The following GMFG variants were observed in gnomAD, a reference collection of about 807,000 sequenced individuals.
GMFG encodes glia maturation factor gamma.
GMFG carries 21 observed loss-of-function variants against 26.1 expected under a neutral mutation model. That is an observed-to-expected ratio of 0.80 (90% confidence interval 0.57 to 1.16). The LOEUF (loss-of-function observed/expected upper bound fraction) is 1.16. Among genes scored for constraint, GMFG ranks in the 50% most tolerant of loss-of-function variants. The pLI is 0.00. For missense variants in GMFG, 161 were observed against 178.3 expected (o/e 0.90, Z 0.55); for synonymous variants, 65 against 60.8 (o/e 1.07, Z -0.32).
At chr19:39,328,597 A>C (rs1451169571) in intron 6 of GMFG, 49 bp from the exon 7 acceptor site, 1 of 1,398,188 alleles carries the variant, frequency 7.2e-7, no homozygotes, top group African/African-American at 1.4e-5. Flanking sequence ...ACACTGAGAC[A>C]GTGGCTGGGC....
chr19:39,332,656 C>CTTTTTTT (rs59277772), intron 4 of GMFG, among the ~76,000 whole-genome samples: 3 of 111,296 alleles, frequency 2.7e-5, no homozygotes, highest in African/African-American at 3.5e-5. Context: ...CACAGAGATT[C>CTTTTTTT]TTTTTTTTTT....
Position 39,335,988 on chromosome 19 carries a change from C to T in GMFG, c.-12G>A. 6.2e-7 allele frequency: 1 copy of T among 1,601,160 alleles called. No homozygotes were observed. The highest frequency in any genetic ancestry group is 8.6e-7 in the Non-Finnish European group (1 of 1,168,370). Reference sequence around the variant, plus strand: ...TGGCCCCTGACCATGATTGTTCTGTCCACAGGCCTCTTCTTTTCTTAGTTC... The same window carrying T: ...TGGCCCCTGACCATGATTGTTCTGTTCACAGGCCTCTTCTTTTCTTAGTTC... On this transcript the variant is annotated 5_prime_UTR_variant, in exon 1 of 7. Transcript: ENST00000597595.
chr19:39,328,700 G>GT, intron 6 of GMFG, 152 bp from the exon 7 acceptor site: 1 of 640,976 alleles, frequency 1.6e-6, no homozygotes, highest in Non-Finnish European at 2.8e-6. Context: ...CCAATATGGT[G>GT]AAACCCTGAC....
At chr19:39,331,970 C>G (rs2075228060) in intron 4 of GMFG, among the ~76,000 whole-genome samples, 1 of 151,814 alleles carries the variant, frequency 6.6e-6, no homozygotes, top group Admixed American at 6.6e-5. Flanking sequence ...TCAACTGACC[C>G]CCGACATCAG....
intron 6 of GMFG, 72 bp downstream of exon 6, chr19:39,328,928 G>T: frequency 9.5e-7 from 1 of 1,056,282 alleles, no homozygotes; most frequent in Non-Finnish European, 1.5e-6. Flanking sequence ...GAGGACTCTA[G>T]TCCCTCTTCC....
At chr19:39,328,700 GA>G in intron 6 of GMFG, 152 bp from the exon 7 acceptor site, 2 of 640,976 alleles carry the variant, frequency 3.1e-6, no homozygotes, top group Non-Finnish European at 5.6e-6. Context: ...CCAATATGGT[GA>G]AACCCTGACT....
rs1393421625 is a variant in GMFG at position 39,328,504 on chromosome 19, G to A, written c.402C>T (p.Leu134=). The A allele has an allele frequency of 1.2e-6, 2 of 1,613,200 alleles. No individual in the cohort carries two copies. Among genetic ancestry groups the A allele is most frequent in the East Asian group, 4.5e-5 (2 of 44,896 alleles). Residue 134 remains leucine (L), a synonymous_variant, in exon 7 of 7, where the codon CTC becomes CTT. Transcript: ENST00000597595. ...AACGAAAGAAAGACAACTTTTCTTG[G>A]AGCCAGGCCTCAGTGAGGTCATCAG... The part of the protein sequence containing the change: ...RTTDDLTEAW[L]QEKLSFFR
chr19:39,333,662 A>T (rs1275098814), intron 3 of GMFG, among the ~76,000 whole-genome samples: 1 of 151,922 alleles, frequency 6.6e-6, no homozygotes, highest in Admixed American at 6.6e-5. Flanking sequence ...TGAAACACAC[A>T]TGGATTAATT....
intron 4 of GMFG, among the ~76,000 whole-genome samples, chr19:39,332,370 G>A (rs1373222317): frequency 2.0e-5 from 3 of 151,012 alleles, no homozygotes; most frequent in Non-Finnish European, 4.4e-5. Context: ...GTCTTGCTAT[G>A]TTGCCCAGGC....
At chr19:39,330,203 A>C (rs1370727620) in intron 4 of GMFG, among the ~76,000 whole-genome samples, 6 of 152,192 alleles carry the variant, frequency 3.9e-5, no homozygotes, top group African/African-American at 1.4e-4. Flanking sequence ...AAGGTTCTAC[A>C]GATAGGGGAG....
chr19:39,334,969 C>G (rs1039052758), intron 3 of GMFG, among the ~76,000 whole-genome samples: 1 of 152,146 alleles, frequency 6.6e-6, no homozygotes, highest in Admixed American at 6.6e-5. Context: ...CCTGCCTCGG[C>G]CTCCCAAGTA....
chr19:39,332,068 C>T (rs894248684), intron 4 of GMFG, among the ~76,000 whole-genome samples: 11 of 151,524 alleles, frequency 7.3e-5, no homozygotes, highest in African/African-American at 2.4e-4. Flanking sequence ...CTCCACCAGG[C>T]GCGGTGGCTC....
At chr19:39,330,233 T>G (rs974535004) in intron 4 of GMFG, among the ~76,000 whole-genome samples, 10 of 152,140 alleles carry the variant, frequency 6.6e-5, no homozygotes, top group Non-Finnish European at 1.2e-4. Context: ...CCTGGGAAAG[T>G]GAATGCCAGC....
chr19:39,329,032 T>G lies in GMFG; in HGVS notation c.325A>C (p.Asn109His). 6.2e-7 allele frequency: 1 copy of G among 1,613,824 alleles called. No homozygotes were observed. The highest frequency in any genetic ancestry group is 1.3e-5 in the African/African-American group (1 of 75,012). ...EQQMMYAGSKNRLVQTAELTK... is the reference protein window; with the variant it reads ...EQQMMYAGSKHRLVQTAELTK... ...AGCTCTGCTGTCTGCACCAGCCTGTTTTTACTCCCTGCATACATCATCTGT... is the reference window on the plus strand; with the variant it reads ...AGCTCTGCTGTCTGCACCAGCCTGTGTTTACTCCCTGCATACATCATCTGT... Residue 109 changes from asparagine (N) to histidine (H), a missense_variant, in exon 6 of 7, where the codon AAC becomes CAC. Transcript: ENST00000597595.
At chr19:39,332,208 T>C (rs1396893502) in intron 4 of GMFG, among the ~76,000 whole-genome samples, 1 of 151,696 alleles carries the variant, frequency 6.6e-6, no homozygotes. Flanking sequence ...TGGGCCCCTG[T>C]AATCCCAGCT....
Position 39,331,834 on chromosome 19 carries a change from T to C in GMFG, c.200+1243A>G, listed in dbSNP as rs529354915. On this transcript the variant is annotated intron_variant, in intron 4 of 6. Coordinates refer to ENST00000597595, the MANE Select transcript of GMFG (RefSeq NM_004877.4). ...ATTAATTTGTTTGCTACCTAAAGTG[T>C]TCCCAAACATTGAAAAAGAAGGAAA... Among the ~76,000 whole-genome samples the C allele has an allele frequency of 5.9e-5, 9 of 152,190 alleles. No individual in the cohort carries two copies. The South Asian group carries it at 1.7e-3, about 28-fold the overall frequency.
intron 4 of GMFG, among the ~76,000 whole-genome samples, chr19:39,330,823 C>A (rs551311952): frequency 4.6e-5 from 7 of 152,238 alleles, no homozygotes; most frequent in Admixed American, 3.9e-4. Flanking sequence ...TGGTCTCGAA[C>A]TCCTGAGCTC....
At chr19:39,331,092 G>A (rs1300456597) in intron 4 of GMFG, among the ~76,000 whole-genome samples, 5 of 152,120 alleles carry the variant, frequency 3.3e-5, no homozygotes, top group South Asian at 2.1e-4. Flanking sequence ...GAGGATATGC[G>A]CAGGCAGAGT....
Position 39,328,429 on chromosome 19 carries a change from G to T in GMFG, c.*48C>A. On this transcript the variant is annotated 3_prime_UTR_variant, in exon 7 of 7. Transcript: ENST00000597595. Reference sequence around the variant, plus strand: ...AGGTCCTAGGGGTTCCAAGTCCCCAGTCACCTTGAGGACTCAGACATCAGG... The same window carrying T: ...AGGTCCTAGGGGTTCCAAGTCCCCATTCACCTTGAGGACTCAGACATCAGG... 1 of 1,238,054 alleles carries T rather than the reference G, an allele frequency of 8.1e-7. No homozygotes were observed. Among genetic ancestry groups the T allele is most frequent in the Non-Finnish European group, 1.2e-6 (1 of 836,866 alleles). The allele number at this position is 1,238,054 out of a possible 1,614,324, so 76.7% of individuals were successfully genotyped here.
Sources: gnomAD v4.1 joint callset for allele counts (sites outside exome capture counted in the v4.1 genomes callset) on GRCh38, gnomAD v4.1.1 for gene constraint, MANE v1.5 for transcripts, NCBI Gene and HGNC (gene_info 2026-07-23, HGNC 2026-07-21) for gene names.